Variants in LAIR1 observed in about 807,000 individuals in gnomAD.
LAIR1 encodes the protein leukocyte associated immunoglobulin like receptor 1.
LAIR1 carries 24 observed loss-of-function variants against 32.8 expected under a neutral mutation model. The observed-to-expected ratio is 0.73, with a 90% confidence interval of 0.53 to 1.03. The LOEUF is 1.03. Among genes scored for constraint, LAIR1 ranks in the 50% least tolerant of loss-of-function variants. The pLI is 0.00. For missense variants in LAIR1, 355 were observed against 347.5 expected (o/e 1.02, Z -0.17); for synonymous variants, 150 against 140.5 (o/e 1.07, Z -0.48).
upstream of LAIR1, among the ~76,000 whole-genome samples, chr19:54,374,016 C>A (rs538659902): frequency 7.2e-5 from 11 of 152,246 alleles, no homozygotes; most frequent in African/African-American, 2.6e-4. Context: ...GCAACAAGAC[C>A]AGGGAAAAAG....
rs2081547592 is a variant in LAIR1 at position 54,352,328 on chromosome 19, T to A, written c.*2940A>T. On this transcript the variant is annotated 3_prime_UTR_variant, in exon 10 of 10. Transcript: ENST00000391742. The stretch of plus-strand genomic sequence containing the variant: ...GCCCTCCCTCTCTGCCTGGCCACAC[T>A]GCACTGCCAGGTGAATTAAACATGG... 6.5e-6 allele frequency: 1 copy of A among 153,806 alleles called. No homozygotes were observed. Among genetic ancestry groups the A allele is most frequent in the Non-Finnish European group, 1.5e-5 (1 of 68,122 alleles). 9.5% of individuals were successfully genotyped at this position (153,806 alleles called of 1,614,324 possible). A position where few individuals can be genotyped will look rare whatever the true frequency, so the allele number is the denominator to read the frequency against.
chr19:54,353,512 G>A lies in LAIR1; in HGVS notation c.*1756C>T, dbSNP rs1295853429. The A allele has an allele frequency of 6.6e-6, 1 of 152,170 alleles. No homozygotes were observed. The highest frequency in any genetic ancestry group is 1.5e-5 in the Non-Finnish European group (1 of 68,062). 9.4% of individuals were successfully genotyped at this position (152,170 alleles called of 1,614,324 possible). A position where few individuals can be genotyped will look rare whatever the true frequency, so the allele number is the denominator to read the frequency against. On this transcript the variant is annotated 3_prime_UTR_variant, in exon 10 of 10. Coordinates refer to ENST00000391742, the MANE Select transcript of LAIR1 (RefSeq NM_002287.6). ...CATAATGTGGAGTCAGGAGCCTCAG[G>A]TGGGTCTGAAGCCCCTGTCTCTGAG...
upstream of LAIR1, among the ~76,000 whole-genome samples, chr19:54,365,805 GT>G (rs1035061712): frequency 2.5e-4 from 38 of 151,672 alleles, no homozygotes; most frequent in South Asian, 8.3e-4. Context: ...AAATCAGTAT[GT>G]CAAAGAGCCG....
upstream of LAIR1, among the ~76,000 whole-genome samples, chr19:54,371,733 C>A (rs572447678): frequency 6.6e-6 from 1 of 151,672 alleles, no homozygotes; most frequent in South Asian, 2.1e-4. Context: ...TGTCTTTACC[C>A]AAATATTTAG....
chr19:54,354,516 A>G lies in LAIR1; in HGVS notation c.*752T>C, dbSNP rs1230833136. 2 of 152,204 alleles carry G rather than the reference A, an allele frequency of 1.3e-5. No homozygotes were observed. The highest frequency in any genetic ancestry group is 2.9e-5 in the Non-Finnish European group (2 of 68,038). 9.4% of individuals were successfully genotyped at this position (152,204 alleles called of 1,614,324 possible). ...TGTACGACAAATTATCACATTTTAC[A>G]CCTTGAATACGTACAATCCTGATCA... On this transcript the variant is annotated 3_prime_UTR_variant, in exon 10 of 10. Coordinates refer to ENST00000391742, the MANE Select transcript of LAIR1 (RefSeq NM_002287.6).
upstream of LAIR1, among the ~76,000 whole-genome samples, chr19:54,373,230 C>T (rs2082447747): frequency 6.6e-6 from 1 of 151,350 alleles, no homozygotes; most frequent in Non-Finnish European, 1.5e-5. Context: ...ATCACGAGGT[C>T]AGGTGATCGA....
upstream of LAIR1, among the ~76,000 whole-genome samples, chr19:54,371,509 G>A (rs2082405462): frequency 6.6e-6 from 1 of 151,242 alleles, no homozygotes. Flanking sequence ...ATGTTGACCA[G>A]GCTGGTCTTG....
At chr19:54,357,139 C>T (rs1434459292) in intron 4 of LAIR1, 173 bp from the exon 5 acceptor site, 2 of 600,454 alleles carry the variant, frequency 3.3e-6, no homozygotes, top group African/African-American at 3.7e-5. Flanking sequence ...AAACTTTCTA[C>T]ATCTACTGTC....
chr19:54,356,512 G>C lies in LAIR1; in HGVS notation c.562C>G (p.Arg188Gly), dbSNP rs113241416. 6.2e-7 allele frequency: 1 copy of C among 1,613,962 alleles called. No individual in the cohort carries two copies. The highest frequency in any genetic ancestry group is 1.1e-5 in the South Asian group (1 of 91,042). ...LLLLVLFCLH[R>G]QNQIKQGPPR... ...CTACCCTGCTTTATCTGATTCTGGC[G>C]ATGGAGGCAGAAGAGGACCAGGAGG... Residue 188 changes from arginine to glycine, a missense_variant, in exon 6 of 10, where the codon CGC (arginine) becomes GGC (glycine). Transcript: ENST00000391742.
upstream of LAIR1, among the ~76,000 whole-genome samples, chr19:54,373,874 G>T (rs1181922957): frequency 6.6e-6 from 1 of 152,210 alleles, no homozygotes; most frequent in Non-Finnish European, 1.5e-5. Context: ...GGGCAATGGC[G>T]TCCCGTACTT....
chr19:54,356,432 T>G (rs370198131), intron 6 of LAIR1, 34 bp from the exon 7 acceptor site: 11 of 1,608,612 alleles, frequency 6.8e-6, no homozygotes, highest in Non-Finnish European at 9.3e-6. Context: ...TAAGGAGACC[T>G]TCTTCCTAGC....
upstream of LAIR1, among the ~76,000 whole-genome samples, chr19:54,371,495 C>T (rs549307912): frequency 5.3e-5 from 8 of 151,272 alleles, no homozygotes; most frequent in South Asian, 2.1e-4. Context: ...GATGGGGTTT[C>T]GCCATGTTGA....
In LAIR1 at chr19:54,355,560, T is replaced by C; in HGVS notation, c.718-146A>G. On this transcript the variant is annotated intron_variant, in intron 9 of 9. Coordinates refer to ENST00000391742, the MANE Select transcript of LAIR1 (RefSeq NM_002287.6). The surrounding 1 kb of genome is among the most constrained non-coding windows in gnomAD (Gnocchi z 4.7). Reference sequence around the variant, plus strand: ...CCGTGTGAAGAGCCCTCCCACAGGGTATTGGGGTTGGTTTACGTGACAATG... The same window carrying C: ...CCGTGTGAAGAGCCCTCCCACAGGGCATTGGGGTTGGTTTACGTGACAATG... The C allele has an allele frequency of 7.3e-6, 5 of 688,314 alleles. 1 individual carries two copies. The South Asian group carries it at 7.6e-5, about 11-fold the overall frequency. 42.6% of individuals were successfully genotyped at this position (688,314 alleles called of 1,614,324 possible). A position where few individuals can be genotyped will look rare whatever the true frequency, so the allele number is the denominator to read the frequency against.
At chr19:54,371,398 C>T (rs1401289383), upstream of LAIR1, among the ~76,000 whole-genome samples, 1 of 151,216 alleles carries the variant, frequency 6.6e-6, no homozygotes, top group Admixed American at 6.6e-5. Flanking sequence ...TCCCAGGCTC[C>T]AGCGATCCTC....
chr19:54,358,600 G>A lies in LAIR1; in HGVS notation c.415+1422C>T, dbSNP rs767666231. The A allele has an allele frequency of 1.5e-5, 24 of 1,606,460 alleles. No individual in the cohort carries two copies. In the Admixed American group the frequency reaches 2.2e-4, roughly 15 times the overall value. On this transcript the variant is annotated intron_variant, in intron 4 of 9. Transcript: ENST00000391742. The stretch of plus-strand genomic sequence containing the variant: ...TCCTCATTCTTGGTGCATCAAATCC[G>A]GAGGCTTCAGTGCCTGGCACAGTCC...
intron 2 of LAIR1, among the ~76,000 whole-genome samples, chr19:54,361,468 T>C (rs955994746): frequency 2.8e-4 from 43 of 151,712 alleles, no homozygotes; most frequent in African/African-American, 1.0e-3. Context: ...CAGGGTCATG[T>C]GGGAAGTGTC....
At chr19:54,371,122 A>G, upstream of LAIR1, among the ~76,000 whole-genome samples, 1 of 151,308 alleles carries the variant, frequency 6.6e-6, no homozygotes, top group South Asian at 2.1e-4. Flanking sequence ...CAATTGATAA[A>G]GCATGTCTAT....
At chr19:54,358,178 AT>A (rs971398628) in intron 4 of LAIR1, 2 of 143,530 alleles carry the variant, frequency 1.4e-5, no homozygotes, top group Admixed American at 7.1e-5. Flanking sequence ...AATATAAAAT[AT>A]TTTTTCTATT....
chr19:54,374,948 T>C (rs960313237), upstream of LAIR1, among the ~76,000 whole-genome samples: 12 of 152,210 alleles, frequency 7.9e-5, no homozygotes, highest in East Asian at 3.9e-4. Flanking sequence ...GAGTCCGCTG[T>C]GCTGCTCCAA....
Sources: allele counts gnomAD v4.1 joint callset (sites outside exome capture counted in the v4.1 genomes callset), GRCh38; gene constraint gnomAD v4.1.1; non-coding constraint Gnocchi (gnomAD v3.1); transcripts MANE v1.5; gene names NCBI Gene and HGNC (gene_info 2026-07-23, HGNC 2026-07-21).